The following COMMD1 variants were observed in gnomAD, a reference collection of about 807,000 sequenced individuals.
COMMD1 encodes the protein COMM domain-containing protein 1.
Under a neutral mutation model 17.2 loss-of-function variants are expected in COMMD1, and 10 were observed. The ratio of observed to expected loss-of-function variants is 0.58; its 90% CI spans 0.36 to 0.99. COMMD1 has a LOEUF of 0.99. Among genes scored for constraint, COMMD1 ranks in the 50% least tolerant of loss-of-function variants. The pLI, the probability that COMMD1 is intolerant of heterozygous loss-of-function variation, is 0.01. For synonymous variants in COMMD1, 97 were observed against 91.6 expected, an observed-to-expected ratio of 1.06 and a Z score of -0.34; for missense variants, 270 against 231.8, an observed-to-expected ratio of 1.17 and a Z score of -1.07.
At chr2:61,942,727 G>A (rs1052347328) in intron 1 of COMMD1, among the ~76,000 whole-genome samples, 21 of 150,748 alleles carry the variant, frequency 1.4e-4, no homozygotes, top group African/African-American at 4.9e-4. Context: ...TAGTAGAGGC[G>A]GGGTTTCACC....
intron 1 of COMMD1, among the ~76,000 whole-genome samples, chr2:61,961,801 T>G (rs543690790): frequency 6.6e-6 from 1 of 152,316 alleles, no homozygotes. Flanking sequence ...GCTGTGTTAA[T>G]TTTTCATTTC....
At chr2:62,006,370 T>C (rs1198284722) in intron 2 of COMMD1, among the ~76,000 whole-genome samples, 1 of 150,844 alleles carries the variant, frequency 6.6e-6, no homozygotes, top group East Asian at 1.9e-4. Flanking sequence ...AAAAAGAAAA[T>C]TGGAAGCCAA....
intron 2 of COMMD1, among the ~76,000 whole-genome samples, chr2:62,112,205 A>G (rs1336409387): frequency 6.6e-6 from 1 of 152,190 alleles, no homozygotes; most frequent in Non-Finnish European, 1.5e-5. Context: ...GTGGGTGGTC[A>G]TGTTGAATAA....
In COMMD1 at chr2:62,030,636, G is replaced by A. The variant is rs765629480; in HGVS notation, c.462+29654G>A. Among the ~76,000 whole-genome samples, 22 of 152,228 alleles carry A rather than the reference G, an allele frequency of 1.4e-4. No homozygotes were observed. In the South Asian group the frequency reaches 1.5e-3, roughly 10 times the overall value. Reference sequence around the variant, plus strand: ...TCTTGGAAAGAATTCTTCATATGTTGTTGTGGTATTTTCTACCTTTTCTAA... The same window carrying A: ...TCTTGGAAAGAATTCTTCATATGTTATTGTGGTATTTTCTACCTTTTCTAA... On this transcript the variant is annotated intron_variant, in intron 2 of 2. Coordinates refer to ENST00000311832, the MANE Select transcript of COMMD1 (RefSeq NM_152516.4).
chr2:62,088,561 A>G (rs1315970755), intron 2 of COMMD1, among the ~76,000 whole-genome samples: 3 of 152,192 alleles, frequency 2.0e-5, no homozygotes, highest in African/African-American at 4.8e-5. Context: ...ACCTAGTCCT[A>G]TATGTCTACA....
intron 2 of COMMD1, among the ~76,000 whole-genome samples, chr2:62,038,939 A>G (rs1204264600): frequency 6.6e-6 from 1 of 152,218 alleles, no homozygotes; most frequent in Non-Finnish European, 1.5e-5. Context: ...ACTCATATAC[A>G]CAGCATATAT....
intron 2 of COMMD1, among the ~76,000 whole-genome samples, chr2:62,015,663 G>A (rs1669420358): frequency 7.1e-6 from 1 of 140,246 alleles, no homozygotes; most frequent in African/African-American, 2.7e-5. Context: ...TCCAGTTTCT[G>A]TACATCCTCA....
At chr2:61,897,380 T>C (rs1458809512) in intron 1 of COMMD1, among the ~76,000 whole-genome samples, 1 of 152,158 alleles carries the variant, frequency 6.6e-6, no homozygotes, top group Non-Finnish European at 1.5e-5. Context: ...AACAAATTTG[T>C]ATGCTTTTCT....
At chr2:61,981,689 A>G (rs1011668037) in intron 1 of COMMD1, among the ~76,000 whole-genome samples, 2 of 152,156 alleles carry the variant, frequency 1.3e-5, no homozygotes, top group Non-Finnish European at 2.9e-5. Flanking sequence ...AAGGTAGACA[A>G]GAGAAGAATG....
At chr2:62,100,114 G>GA (rs977520352) in intron 2 of COMMD1, 111 of 146,392 alleles carry the variant, frequency 7.6e-4, no homozygotes, top group African/African-American at 1.6e-3. Flanking sequence ...GAGAGAGAGA[G>GA]AAAAAAAAAA....
Position 62,054,448 on chromosome 2 carries a change from T to C in COMMD1, c.462+53466T>C, listed in dbSNP as rs145911156. On this transcript the variant is annotated intron_variant, in intron 2 of 2. Coordinates refer to ENST00000311832, the MANE Select transcript of COMMD1 (RefSeq NM_152516.4). ...AGCAAGGATATGGAATCAATCTAAGTGTGCACCAATAGATAAATGGATAAA... is the reference window on the plus strand; with the variant it reads ...AGCAAGGATATGGAATCAATCTAAGCGTGCACCAATAGATAAATGGATAAA... Among the ~76,000 whole-genome samples the C allele has an allele frequency of 3.1e-4, 47 of 152,268 alleles. 1 individual carries two copies. The highest frequency in any genetic ancestry group is 1.0e-3 in the African/African-American group (43 of 41,540).
intron 2 of COMMD1, among the ~76,000 whole-genome samples, chr2:62,051,405 T>G (rs974194594): frequency 2.6e-5 from 4 of 152,208 alleles, no homozygotes; most frequent in African/African-American, 9.6e-5. Context: ...TTTTATAAAG[T>G]TGTAAGAAAT....
At chr2:61,907,786 G>C (rs1669809982) in intron 1 of COMMD1, among the ~76,000 whole-genome samples, 1 of 152,038 alleles carries the variant, frequency 6.6e-6, no homozygotes, top group African/African-American at 2.4e-5. Flanking sequence ...CGCCTCCCGG[G>C]TTCAGGTGAT....
At chr2:61,995,860 G>C (rs1558553473) in intron 1 of COMMD1, among the ~76,000 whole-genome samples, 1 of 152,196 alleles carries the variant, frequency 6.6e-6, no homozygotes, top group Non-Finnish European at 1.5e-5. Flanking sequence ...AGGGTCAAGT[G>C]CAGTAATACA....
intron 2 of COMMD1, among the ~76,000 whole-genome samples, chr2:62,132,971 T>C (rs1673086430): frequency 6.6e-6 from 1 of 152,256 alleles, no homozygotes; most frequent in East Asian, 1.9e-4. Context: ...AAATCTGCTT[T>C]TCTTTCCAAA....
rs1668908111 is a variant in COMMD1 at position 62,000,708 on chromosome 2, CG to C, written c.189del (p.Ser64LeufsTer13). On this transcript the variant is annotated frameshift_variant, in exon 2 of 3. Transcript: ENST00000311832. LOFTEE classifies it high-confidence loss of function. The part of the protein sequence containing the change: ...AKMRGILKSI[A>X]SADMDFNQLE... ...TTTCTGTCATCTTTATAGTCTATTG[CG>C]TCTGCAGACATGGATTTCAACCAGC... is the stretch of plus-strand genomic sequence containing the variant. 1 of 1,614,048 alleles carries C rather than the reference CG, an allele frequency of 6.2e-7. No individual in the cohort carries two copies. The highest frequency in any genetic ancestry group is 2.2e-5 in the East Asian group (1 of 44,878).
At chr2:62,082,471 C>T (rs75040660) in intron 2 of COMMD1, among the ~76,000 whole-genome samples, 3,244 of 152,284 alleles carry the variant, frequency 0.021, 82 homozygotes, top group African/African-American at 0.052. Flanking sequence ...ACCCCATGGT[C>T]TGTGGGCAGT....
chr2:61,990,116 G>A (rs1672207613), intron 1 of COMMD1, among the ~76,000 whole-genome samples: 1 of 152,216 alleles, frequency 6.6e-6, no homozygotes, highest in Non-Finnish European at 1.5e-5. Context: ...CTAGGCAAAA[G>A]CCAAGAGGAT....
At chr2:62,039,469 C>T (rs1372154711) in intron 2 of COMMD1, among the ~76,000 whole-genome samples, 1 of 152,166 alleles carries the variant, frequency 6.6e-6, no homozygotes, top group Non-Finnish European at 1.5e-5. Flanking sequence ...GTGAGAATAG[C>T]ACATTGTGGT....
Sources: gnomAD v4.1 joint callset for allele counts (sites outside exome capture counted in the v4.1 genomes callset) on GRCh38, gnomAD v4.1.1 for gene constraint, MANE v1.5 for transcripts, NCBI Gene and HGNC (gene_info 2026-07-23, HGNC 2026-07-21) for gene names.